The following GPC3 variants were observed in gnomAD, a reference collection of about 807,000 sequenced individuals.
GPC3 encodes glypican 3, also known as glypican-3.
In GPC3, 3 loss-of-function variants were observed where a neutral mutation model predicts 34.4. That is an observed-to-expected ratio of 0.09 (90% CI 0.04 to 0.23). The LOEUF (loss-of-function observed/expected upper bound fraction) is 0.23, where lower values mean the gene tolerates loss of function less well. GPC3 is among the 10% of genes least tolerant of loss of function. The pLI is 1.00. For synonymous variants in GPC3, 177 were observed against 174.0 expected (o/e 1.02, Z -0.13); for missense variants, 351 against 445.6 (o/e 0.79, Z 1.91).
chrX:133,647,403 G>A (rs1004686081), intron 6 of GPC3, among the ~76,000 whole-genome samples: 2 of 112,282 alleles, frequency 1.8e-5, no homozygotes, highest in Non-Finnish European at 1.9e-5. Flanking sequence ...GAGAGAAGAG[G>A]CACTGTCGAG....
intron 2 of GPC3, among the ~76,000 whole-genome samples, chrX:133,898,472 C>G (rs1350448159): frequency 8.9e-6 from 1 of 112,170 alleles, no homozygotes; most frequent in Non-Finnish European, 1.9e-5. Flanking sequence ...TTACAGCATA[C>G]AGTAACAATT....
chrX:133,597,003 TAC>T (rs899629437), intron 6 of GPC3, among the ~76,000 whole-genome samples: 1 of 111,067 alleles, frequency 9.0e-6, no homozygotes, highest in African/African-American at 3.3e-5. Flanking sequence ...TAATCAAATT[TAC>T]AGTCACTAAA....
intron 2 of GPC3, among the ~76,000 whole-genome samples, chrX:133,901,375 C>T (rs1266438079): frequency 3.6e-5 from 4 of 111,462 alleles, no homozygotes; most frequent in African/African-American, 1.3e-4. Flanking sequence ...ATATCACATA[C>T]ATATACACAT....
chrX:133,697,505 C>A (rs952392088), intron 4 of GPC3, among the ~76,000 whole-genome samples: 1 of 111,430 alleles, frequency 9.0e-6, no homozygotes, highest in Non-Finnish European at 1.9e-5. Flanking sequence ...TCCAAGAAGT[C>A]TTTCTTAATG....
At chrX:133,613,243 G>T (rs1296587215) in intron 6 of GPC3, among the ~76,000 whole-genome samples, 24 of 112,159 alleles carry the variant, frequency 2.1e-4, no homozygotes, top group Non-Finnish European at 1.1e-4. Flanking sequence ...GAATGTGGTT[G>T]CTCTTCTATG....
In GPC3 at chrX:133,810,856, C is replaced by A. The variant is rs1285475308; in HGVS notation, c.338-56680G>T. On this transcript the variant is annotated intron_variant, in intron 2 of 7. Transcript: ENST00000370818. ...GGAGGCGGGTGATAGAGCAAGACTC[C>A]GTCTCAAAAAAAAAAAAAAAAAAAG... is the stretch of plus-strand genomic sequence containing the variant. Among the ~76,000 whole-genome samples, 5 of 63,812 alleles carry A rather than the reference C, an allele frequency of 7.8e-5. No homozygotes were observed. The East Asian group carries it at 2.3e-3, about 29-fold the overall frequency. The allele number at this position is 63,812 out of a possible 115,157, so 55.4% of individuals were successfully genotyped here.
intron 3 of GPC3, among the ~76,000 whole-genome samples, chrX:133,741,281 CAA>C (rs151157758): frequency 6.9e-4 from 34 of 49,456 alleles, no homozygotes; most frequent in Middle Eastern, 0.013. Context: ...TTGTTTAAGC[CAA>C]AAAAAAAAAA....
At chrX:133,619,312 T>G (rs1434843753) in intron 6 of GPC3, among the ~76,000 whole-genome samples, 1 of 112,158 alleles carries the variant, frequency 8.9e-6, no homozygotes, top group Non-Finnish European at 1.9e-5. Flanking sequence ...TTACATATAA[T>G]CCAGCAATTC....
chrX:133,740,007 G>T (rs749475587), intron 3 of GPC3, among the ~76,000 whole-genome samples: 1 of 112,118 alleles, frequency 8.9e-6, no homozygotes, highest in Non-Finnish European at 1.9e-5. Context: ...CCATTCCTGT[G>T]CAGGGTATTG....
chrX:133,857,454 C>T (rs1260197984), intron 2 of GPC3, among the ~76,000 whole-genome samples: 1 of 111,591 alleles, frequency 9.0e-6, no homozygotes, highest in Non-Finnish European at 1.9e-5. Flanking sequence ...TATAATCTTC[C>T]CTTTCACCCC....
chrX:133,906,265 T>C (rs1569453064), intron 2 of GPC3, among the ~76,000 whole-genome samples: 1 of 112,165 alleles, frequency 8.9e-6, no homozygotes, highest in Non-Finnish European at 1.9e-5. Flanking sequence ...GAAGGGAGGA[T>C]AGGCTGCATT....
intron 3 of GPC3, among the ~76,000 whole-genome samples, chrX:133,742,015 T>C (rs2071567996): frequency 8.9e-6 from 1 of 112,809 alleles, no homozygotes; most frequent in African/African-American, 3.2e-5. Context: ...CCTTTTTCAA[T>C]AATCCTTTTT....
At chrX:133,564,341 G>A (rs1397045375) in intron 7 of GPC3, among the ~76,000 whole-genome samples, 5 of 111,574 alleles carry the variant, frequency 4.5e-5, no homozygotes, top group South Asian at 3.8e-4. Context: ...GGCTGGCAGC[G>A]TTGTGTCAGT....
intron 3 of GPC3, among the ~76,000 whole-genome samples, chrX:133,745,153 A>G (rs1806434650): frequency 8.9e-6 from 1 of 111,912 alleles, no homozygotes; most frequent in South Asian, 3.8e-4. Flanking sequence ...CAGAATTTAA[A>G]GTTTATTTAA....
intron 1 of GPC3, among the ~76,000 whole-genome samples, chrX:133,979,919 T>C (rs1033945853): frequency 6.3e-5 from 7 of 111,711 alleles, no homozygotes; most frequent in African/African-American, 2.3e-4. Flanking sequence ...TGAATAGACA[T>C]TGGCTCCTGG....
chrX:133,848,926 C>T (rs1355577788), intron 2 of GPC3, among the ~76,000 whole-genome samples: 1 of 110,305 alleles, frequency 9.1e-6, no homozygotes, highest in African/African-American at 3.3e-5. Flanking sequence ...CTATGTAAGC[C>T]TAGATAAAAT....
chrX:133,901,061 T>TA (rs1372012693), intron 2 of GPC3, among the ~76,000 whole-genome samples: 1 of 112,231 alleles, frequency 8.9e-6, no homozygotes, highest in Admixed American at 9.4e-5. Flanking sequence ...GCAGATATAA[T>TA]AAAAATAATG....
chrX:133,879,542 C>T (rs1267658716), intron 2 of GPC3, among the ~76,000 whole-genome samples: 2 of 111,352 alleles, frequency 1.8e-5, no homozygotes, highest in Admixed American at 9.5e-5. Context: ...TGGTGGCTCA[C>T]ACCTGTAATC....
chrX:133,536,308 A>G lies in GPC3; in HGVS notation c.1574-15T>C, dbSNP rs1382451770. The G allele has an allele frequency of 8.5e-7, 1 of 1,178,288 alleles. No homozygotes were observed. The highest frequency in any genetic ancestry group is 3.0e-5 in the East Asian group (1 of 33,712). On this transcript the variant is annotated splice_polypyrimidine_tract_variant and intron_variant, in intron 7 of 7. Transcript: ENST00000370818. ...ATAGGCCAGTTCTGTCAATCAAAAG[A>G]GAAGGATTTGAAATGCAAGTCTACC...
Sources: gnomAD v4.1 joint callset for allele counts (sites outside exome capture counted in the v4.1 genomes callset) on GRCh38, gnomAD v4.1.1 for gene constraint, MANE v1.5 for transcripts, NCBI Gene and HGNC (gene_info 2026-07-23, HGNC 2026-07-21) for gene names.